ANKRD50: variants seen among roughly 807,000 people sequenced by gnomAD.
ANKRD50 encodes ankyrin repeat domain-containing protein 50.
ANKRD50 carries 40 observed loss-of-function variants against 112.0 expected under a neutral mutation model. The ratio of observed to expected loss-of-function variants is 0.36; its 90% CI spans 0.28 to 0.46. The LOEUF (loss-of-function observed/expected upper bound fraction) is 0.46. ANKRD50 is among the 20% of genes least tolerant of loss of function. The pLI, the probability that ANKRD50 is intolerant of heterozygous loss-of-function variation, is 1.00. For missense variants in ANKRD50, 1,487 were observed against 1,701.7 expected, an observed-to-expected ratio of 0.87 and a Z score of 2.22; for synonymous variants, 613 against 619.1, an observed-to-expected ratio of 0.99 and a Z score of 0.15.
chr4:124,674,883 C>T (rs190763748), intron 3 of ANKRD50, among the ~76,000 whole-genome samples: 25 of 151,888 alleles, frequency 1.6e-4, no homozygotes, highest in Middle Eastern at 3.4e-3. Flanking sequence ...TAAAACAGAA[C>T]TAAGAATATC....
At chr4:124,708,214 T>C (rs1276507659) in intron 2 of ANKRD50, among the ~76,000 whole-genome samples, 1 of 152,180 alleles carries the variant, frequency 6.6e-6, no homozygotes, top group African/African-American at 2.4e-5. Context: ...TTAAAAGGTA[T>C]AGTTTTATAT....
In ANKRD50 at chr4:124,672,474, T is replaced by C. The variant is rs1432719208; in HGVS notation, c.803A>G (p.Gln268Arg). ...TTGATCTAAACGATGAAGAATGTAC[T>C]GCTGAACATCCTTGACGATATATGC... The part of the protein sequence containing the change: ...RKAYIVKDVQ[Q>R]YILHRLDQEE... Residue 268 changes from glutamine to arginine, a missense_variant, in exon 4 of 5, where the codon CAG becomes CGG. Physicochemically the swap from Gln to Arg is conservative, Grantham distance 43. Around this residue, in one of 2 missense-constraint regions of ANKRD50, gnomAD observed 1,046 missense variants for 1,269.5 expected, o/e 0.82. Transcript: ENST00000504087. 1.9e-6 allele frequency: 3 copies of C among 1,610,600 alleles called. No individual in the cohort carries two copies. Among genetic ancestry groups the C allele is most frequent in the African/African-American group, 2.7e-5 (2 of 74,738 alleles).
At chr4:124,698,967 T>TA (rs1725321764) in intron 2 of ANKRD50, among the ~76,000 whole-genome samples, 1 of 152,178 alleles carries the variant, frequency 6.6e-6, no homozygotes, top group African/African-American at 2.4e-5. Context: ...TGTGTTATTG[T>TA]AAAAAACAAT....
intron 2 of ANKRD50, among the ~76,000 whole-genome samples, chr4:124,682,322 CAAAAAA>C (rs36107017): frequency 1.1e-5 from 1 of 87,544 alleles, no homozygotes; most frequent in Non-Finnish European, 2.3e-5. Context: ...GACTCCGTCT[CAAAAAA>C]AAAAAAAAAA....
At chr4:124,699,196 A>C (rs1725328574) in intron 2 of ANKRD50, among the ~76,000 whole-genome samples, 1 of 152,098 alleles carries the variant, frequency 6.6e-6, no homozygotes, top group Admixed American at 6.5e-5. Flanking sequence ...AGGGACTTTA[A>C]GTGTGGATTG....
At position 124,710,619 on chromosome 4, in the gene ANKRD50, T is replaced by A; in HGVS notation, c.-108A>T. 2 of 1,294,834 alleles carry A rather than the reference T, an allele frequency of 1.5e-6. No homozygotes were observed. The highest frequency in any genetic ancestry group is 2.1e-6 in the Non-Finnish European group (2 of 945,438). The allele number at this position is 1,294,834 out of a possible 1,614,324, so 80.2% of individuals were successfully genotyped here. The stretch of plus-strand genomic sequence containing the variant: ...AAGTTGACTCTGAAGACAGAGTAAC[T>A]AGTTACAGTAAAATTCAACAGCCAC... On this transcript the variant is annotated 5_prime_UTR_variant, in exon 2 of 5. Transcript: ENST00000504087.
chr4:124,682,322 CAA>C (rs36107017), intron 2 of ANKRD50, among the ~76,000 whole-genome samples: 5 of 87,580 alleles, frequency 5.7e-5, no homozygotes, highest in East Asian at 3.1e-4. Context: ...GACTCCGTCT[CAA>C]AAAAAAAAAA....
chr4:124,693,696 G>A (rs771854507), intron 2 of ANKRD50, among the ~76,000 whole-genome samples: 2 of 151,970 alleles, frequency 1.3e-5, no homozygotes, highest in African/African-American at 4.8e-5. Flanking sequence ...ATATTTACGG[G>A]ATTTAAAAAA....
rs1730579317 is a variant in ANKRD50, at chr4:124,669,545, C to G, written c.3732G>C (p.Gln1244His). Residue 1244 changes from glutamine (Q) to histidine (H), a missense_variant, in exon 4 of 5, where the codon CAG becomes CAC. Gln to His is a conservative substitution (Grantham distance 24, BLOSUM62 0). Around this residue, in one of 2 missense-constraint regions of ANKRD50, gnomAD observed 441 missense variants for 432.2 expected, o/e 1.02. Coordinates refer to ENST00000504087, the MANE Select transcript of ANKRD50 (RefSeq NM_020337.3). The stretch of plus-strand genomic sequence containing the variant: ...ATTCACTACTTGGTGAATTATGACT[C>G]TGTCCTAAGGACTGTGTTGTGGAAG... ...SPSSTTQSLG[Q>H]SHNSPSSEFE... 1.2e-6 allele frequency: 2 copies of G among 1,612,900 alleles called. No individual in the cohort carries two copies. Among genetic ancestry groups the G allele is most frequent in the South Asian group, 1.1e-5 (1 of 90,900 alleles).
At chr4:124,705,285 CA>C (rs1175529507) in intron 2 of ANKRD50, among the ~76,000 whole-genome samples, 2 of 152,182 alleles carry the variant, frequency 1.3e-5, no homozygotes, top group African/African-American at 4.8e-5. Flanking sequence ...CTTTTTCAAA[CA>C]AGGCATACTG....
At chr4:124,708,090 T>C (rs1384579537) in intron 2 of ANKRD50, among the ~76,000 whole-genome samples, 1 of 152,142 alleles carries the variant, frequency 6.6e-6, no homozygotes. Flanking sequence ...TCAATAAACC[T>C]AAATAGCTTA....
In ANKRD50 at chr4:124,711,107, G is replaced by A. The variant is rs928649247; in HGVS notation, c.-596C>T. 9.1e-6 allele frequency: 2 copies of A among 219,382 alleles called. No homozygotes were observed. The highest frequency in any genetic ancestry group is 1.8e-5 in the Non-Finnish European group (2 of 113,044). 13.6% of individuals were successfully genotyped at this position (219,382 alleles called of 1,614,324 possible). A position where few individuals can be genotyped will look rare whatever the true frequency, so the allele number is the denominator to read the frequency against. Reference sequence around the variant, plus strand: ...GGCATCTGGGCAACTGCCAGGAACTGTTTCAGATTATAGTCTCTTATGTGG... The same window carrying A: ...GGCATCTGGGCAACTGCCAGGAACTATTTCAGATTATAGTCTCTTATGTGG... On this transcript the variant is annotated 5_prime_UTR_variant, in exon 2 of 5. Transcript: ENST00000504087.
intron 3 of ANKRD50, among the ~76,000 whole-genome samples, chr4:124,675,011 G>T (rs1730741404): frequency 6.6e-6 from 1 of 151,564 alleles, no homozygotes; most frequent in Non-Finnish European, 1.5e-5. Context: ...ACAATATATA[G>T]CTATCAAAGC....
At chr4:124,672,701 C>T (rs1730691884) in intron 3 of ANKRD50, among the ~76,000 whole-genome samples, 167 bp from the exon 4 acceptor site, 2 of 151,994 alleles carry the variant, frequency 1.3e-5, no homozygotes, top group African/African-American at 4.8e-5. Context: ...TCTTTTCTTT[C>T]TGCAAAAACA....
At chr4:124,698,048 GAAGTT>G (rs1725291147) in intron 2 of ANKRD50, among the ~76,000 whole-genome samples, 5 of 152,186 alleles carry the variant, frequency 3.3e-5, no homozygotes, top group Admixed American at 2.6e-4. Flanking sequence ...AGGGAACAGT[GAAGTT>G]GAGTAGTAGT....
In ANKRD50 at chr4:124,669,473, A is replaced by G; in HGVS notation, c.3804T>C (p.Ser1268=). The G allele has an allele frequency of 6.2e-7, 1 of 1,611,706 alleles. No homozygotes were observed. Among genetic ancestry groups the G allele is most frequent in the Non-Finnish European group, 8.5e-7 (1 of 1,179,450 alleles). ...VKPSLKSTKA[S]KGGKSENSAK... is the part of the protein sequence containing the mutation. The stretch of plus-strand genomic sequence containing the variant: ...CAGAATTTTCTGATTTCCCCCCTTT[A>G]CTTGCTTTAGTTGACTTCAAACTGG... The change falls in exon 4 of 5, where the codon AGT becomes AGC. Residue 1268 remains serine (S), a synonymous_variant. Transcript: ENST00000504087.
At chr4:124,680,546 G>C (rs1724862104) in intron 2 of ANKRD50, among the ~76,000 whole-genome samples, 1 of 152,130 alleles carries the variant, frequency 6.6e-6, no homozygotes, top group Non-Finnish European at 1.5e-5. Context: ...GGAACATGCT[G>C]AGTTTGGGAA....
Position 124,670,156 on chromosome 4 carries a change from T to C in ANKRD50, c.3121A>G (p.Thr1041Ala), listed in dbSNP as rs1560817655. Residue 1041 changes from threonine to alanine, a missense_variant, in exon 4 of 5, where the codon ACA becomes GCA. Thr to Ala is a moderately conservative substitution (Grantham distance 58). Transcript: ENST00000504087. ...LIEHGAVVDH[T>A]CNQGATALCI... ...AGTGCAGTTGCACCTTGGTTACATG[T>C]ATGGTCAACTACAGCACCATGCTCA... The C allele has an allele frequency of 6.2e-7, 1 of 1,612,028 alleles. No homozygotes were observed. Among genetic ancestry groups the C allele is most frequent in the Non-Finnish European group, 8.5e-7 (1 of 1,179,390 alleles).
intron 2 of ANKRD50, among the ~76,000 whole-genome samples, chr4:124,683,465 T>G (rs1046538559): frequency 1.3e-4 from 20 of 152,064 alleles, no homozygotes; most frequent in Non-Finnish European, 2.9e-5. Context: ...ATTCTTCTTT[T>G]CTAGCTATTT....
Sources: allele counts gnomAD v4.1 joint callset (sites outside exome capture counted in the v4.1 genomes callset), GRCh38; gene constraint gnomAD v4.1.1; regional missense constraint gnomAD v4.1.1; transcripts MANE v1.5; gene names NCBI Gene and HGNC (gene_info 2026-07-23, HGNC 2026-07-21).